NEK11: variants seen among roughly 807,000 people sequenced by gnomAD.
NEK11 encodes serine/threonine-protein kinase Nek11.
A neutral mutation model predicts 80.7 loss-of-function variants in NEK11; 72 were observed. The observed-to-expected ratio is 0.89, with a 90% CI of 0.74 to 1.08. NEK11 has a LOEUF of 1.08. NEK11 is among the 50% of genes least tolerant of loss of function. The pLI is 0.00. For missense variants in NEK11, 764 were observed against 763.6 expected, an observed-to-expected ratio of 1.00 and a Z score of -0.01; for synonymous variants, 251 against 260.7, an observed-to-expected ratio of 0.96 and a Z score of 0.36.
intron 4 of NEK11, among the ~76,000 whole-genome samples, chr3:131,104,546 A>G (rs2078886428): frequency 6.6e-6 from 1 of 152,080 alleles, no homozygotes; most frequent in Non-Finnish European, 1.5e-5. Flanking sequence ...CCCAGAGGAA[A>G]GAAGAGCGAT....
intron 17 of NEK11, among the ~76,000 whole-genome samples, chr3:131,323,511 C>T (rs999856750): frequency 6.6e-6 from 1 of 152,220 alleles, no homozygotes; most frequent in African/African-American, 2.4e-5. Flanking sequence ...CCATCTTCCT[C>T]TCTTTCTGGA....
chr3:131,097,029 C>A lies in NEK11; in HGVS notation c.337-12774C>A, dbSNP rs139380309. 5.5e-3 allele frequency among the ~76,000 whole-genome samples: 834 copies of A among 151,576 alleles called. 5 individuals carry two copies. The highest frequency in any genetic ancestry group is 0.01 in the Middle Eastern group (3 of 294). ...CGATAGTTTACTGAGAAGATGGTTT[C>A]CAATTTCATCCATGTCCCTACAAAG... On this transcript the variant is annotated intron_variant, in intron 4 of 17. Transcript: ENST00000383366.
intron 17 of NEK11, among the ~76,000 whole-genome samples, chr3:131,348,979 TTAAC>T (rs1258720249): frequency 6.6e-6 from 1 of 152,150 alleles, no homozygotes; most frequent in Non-Finnish European, 1.5e-5. Context: ...TTTGTTATTA[TTAAC>T]TATTTCTGCA....
intron 17 of NEK11, among the ~76,000 whole-genome samples, chr3:131,315,467 C>CTGTGTGTG (rs111470166): frequency 6.0e-4 from 82 of 137,636 alleles, no homozygotes; most frequent in East Asian, 1.0e-3. Context: ...AATAATATTC[C>CTGTGTGTG]TGTGTGTGTG....
At chr3:131,253,217 C>T (rs1218071908) in intron 16 of NEK11, among the ~76,000 whole-genome samples, 4 of 152,052 alleles carry the variant, frequency 2.6e-5, no homozygotes, top group Admixed American at 2.0e-4. Flanking sequence ...TGTGAAAGTA[C>T]CAGGGAATAC....
intron 14 of NEK11, among the ~76,000 whole-genome samples, chr3:131,220,938 T>C (rs2094998958): frequency 6.6e-6 from 1 of 152,142 alleles, no homozygotes; most frequent in African/African-American, 2.4e-5. Flanking sequence ...TTCGAAGGTA[T>C]GACTACATCT....
At chr3:131,213,798 A>T (rs1417557566) in intron 14 of NEK11, among the ~76,000 whole-genome samples, 1 of 152,198 alleles carries the variant, frequency 6.6e-6, no homozygotes, top group African/African-American at 2.4e-5. Flanking sequence ...ATTCATGTGC[A>T]CACTGGTTGT....
chr3:131,215,513 G>C (rs1454131936), intron 14 of NEK11, among the ~76,000 whole-genome samples: 1 of 152,172 alleles, frequency 6.6e-6, no homozygotes, highest in Non-Finnish European at 1.5e-5. Flanking sequence ...TGGGCAAGGG[G>C]GTTGCCCAGA....
intron 17 of NEK11, among the ~76,000 whole-genome samples, chr3:131,315,567 TAAG>T (rs2096830131): frequency 6.6e-6 from 1 of 151,704 alleles, no homozygotes; most frequent in South Asian, 2.1e-4. Flanking sequence ...CTTCAACTTT[TAAG>T]TTCCGGGGTA....
intron 17 of NEK11, among the ~76,000 whole-genome samples, chr3:131,292,277 A>G (rs2096551701): frequency 6.6e-6 from 1 of 152,098 alleles, no homozygotes; most frequent in Non-Finnish European, 1.5e-5. Flanking sequence ...TCATTGATCT[A>G]TTTGTCTATT....
intron 12 of NEK11, among the ~76,000 whole-genome samples, chr3:131,167,108 A>G (rs928476445): frequency 6.6e-6 from 1 of 152,230 alleles, no homozygotes; most frequent in African/African-American, 2.4e-5. Context: ...TGTATTTCTT[A>G]TAAGTCCTCT....
chr3:131,175,448 T>G (rs959995376), intron 14 of NEK11, among the ~76,000 whole-genome samples: 1 of 152,210 alleles, frequency 6.6e-6, no homozygotes, highest in African/African-American at 2.4e-5. Context: ...TATACAACAA[T>G]ATAGATAAAT....
chr3:131,155,215 G>T (rs2090447425), intron 10 of NEK11, 94 bp downstream of exon 10: 3 of 773,554 alleles, frequency 3.9e-6, no homozygotes, highest in Non-Finnish European at 6.4e-6. Context: ...TGACTGCATC[G>T]AGTATCCTAG....
chr3:131,146,329 G>C (rs952830287), intron 7 of NEK11, among the ~76,000 whole-genome samples: 4 of 152,112 alleles, frequency 2.6e-5, no homozygotes, highest in African/African-American at 9.7e-5. Context: ...CTTTTTAAAA[G>C]AGAAATTTTA....
intron 5 of NEK11, among the ~76,000 whole-genome samples, chr3:131,118,365 A>T (rs2081686195): frequency 1.3e-5 from 2 of 152,062 alleles, no homozygotes; most frequent in Non-Finnish European, 2.9e-5. Context: ...GTGCTGTTGG[A>T]TTCAGTTTGC....
At chr3:131,262,385 CAAA>C (rs1332284478) in intron 16 of NEK11, among the ~76,000 whole-genome samples, 2 of 151,968 alleles carry the variant, frequency 1.3e-5, no homozygotes, top group Non-Finnish European at 2.9e-5. Flanking sequence ...ATTTTTTTAA[CAAA>C]AAGAAATAGA....
intron 16 of NEK11, among the ~76,000 whole-genome samples, chr3:131,244,252 C>A (rs2095563014): frequency 6.6e-6 from 1 of 152,042 alleles, no homozygotes; most frequent in Non-Finnish European, 1.5e-5. Context: ...GCTTTATGCA[C>A]AATTTATAGC....
chr3:131,205,168 T>A (rs149565764), intron 14 of NEK11, among the ~76,000 whole-genome samples: 1 of 152,296 alleles, frequency 6.6e-6, no homozygotes, highest in East Asian at 1.9e-4. Flanking sequence ...ATTCACTTGG[T>A]TTTGGAATTT....
At chr3:131,131,690 T>A (rs955881327) in intron 5 of NEK11, among the ~76,000 whole-genome samples, 1 of 152,106 alleles carries the variant, frequency 6.6e-6, no homozygotes, top group African/African-American at 2.4e-5. Context: ...TGATATTCTC[T>A]ATTGGTTTCT....
Sources: allele counts gnomAD v4.1 joint callset (sites outside exome capture counted in the v4.1 genomes callset), GRCh38; gene constraint gnomAD v4.1.1; transcripts MANE v1.5; gene names NCBI Gene and HGNC (gene_info 2026-07-23, HGNC 2026-07-21).